SBF2: variants seen among roughly 807,000 people sequenced by gnomAD.
The protein encoded by SBF2 is SET binding factor 2.
SBF2 carries 112 observed loss-of-function variants against 225.2 expected under a neutral mutation model. The observed-to-expected ratio is 0.50, with a 90% CI of 0.43 to 0.58. The LOEUF (loss-of-function observed/expected upper bound fraction) is 0.58. Ranked by LOEUF, SBF2 falls within the 20% of genes least tolerant of loss-of-function variation. The probability of loss-of-function intolerance (pLI) is 0.00; values close to 1 mark genes in which losing one functional copy is unlikely to be tolerated. For missense variants in SBF2, 1,996 were observed against 2,206.2 expected (o/e 0.90, Z 1.91); for synonymous variants, 763 against 773.3 (o/e 0.99, Z 0.22).
intron 17 of SBF2, among the ~76,000 whole-genome samples, chr11:9,861,671 A>AC: frequency 6.6e-6 from 1 of 151,830 alleles, no homozygotes; most frequent in East Asian, 1.9e-4. Flanking sequence ...CTCAAAAAAA[A>AC]AAAAAAAAAA....
chr11:9,936,021 T>C (rs924902425), intron 16 of SBF2, among the ~76,000 whole-genome samples: 1 of 151,994 alleles, frequency 6.6e-6, no homozygotes, highest in African/African-American at 2.4e-5. Flanking sequence ...GAATAGGCAA[T>C]CTACAGAATG....
At chr11:10,020,844 A>G (rs16907381) in intron 6 of SBF2, among the ~76,000 whole-genome samples, 7,937 of 149,042 alleles carry the variant, frequency 0.053, 296 homozygotes, top group Middle Eastern at 0.16. Flanking sequence ...TCAACATTTT[A>G]ATAACTTTTA....
intron 1 of SBF2, among the ~76,000 whole-genome samples, chr11:10,211,636 T>G (rs1450009395): frequency 6.6e-6 from 1 of 152,208 alleles, no homozygotes; most frequent in Non-Finnish European, 1.5e-5. Context: ...ATGTCATCAC[T>G]GTAGGGGACC....
chr11:10,191,845 G>C (rs370386894), intron 2 of SBF2, among the ~76,000 whole-genome samples: 2 of 152,140 alleles, frequency 1.3e-5, no homozygotes, highest in Non-Finnish European at 2.9e-5. Flanking sequence ...GGTATCATAG[G>C]TATCTATTCT....
At position 10,178,729 on chromosome 11, in the gene SBF2, C is replaced by G. The variant is rs1175511588; in HGVS notation, c.141+15173G>C. ...GAGAGGATGTGGAGAAATAGGAACA[C>G]TTTTACACTGTTGGTGGGACTGTAA... On this transcript the variant is annotated intron_variant, in intron 2 of 39. Coordinates refer to ENST00000256190, the MANE Select transcript of SBF2 (RefSeq NM_030962.4). 4.2e-5 allele frequency among the ~76,000 whole-genome samples: 6 copies of G among 144,090 alleles called. No homozygotes were observed. In the Admixed American group the frequency reaches 4.2e-4, roughly 10 times the overall value. 94.5% of individuals were successfully genotyped at this position (144,090 alleles called of 152,430 possible). A position where few individuals can be genotyped will look rare whatever the true frequency, so the allele number is the denominator to read the frequency against.
At chr11:9,843,153 G>T (rs1346429104) in intron 24 of SBF2, among the ~76,000 whole-genome samples, 1 of 152,128 alleles carries the variant, frequency 6.6e-6, no homozygotes, top group Non-Finnish European at 1.5e-5. Flanking sequence ...CCTCCTACAT[G>T]GAAAGCCAGC....
At chr11:10,251,184 G>T (rs1960310532) in intron 1 of SBF2, among the ~76,000 whole-genome samples, 1 of 152,118 alleles carries the variant, frequency 6.6e-6, no homozygotes, top group African/African-American at 2.4e-5. Context: ...AAACCTTAAT[G>T]GTACATATGT....
intron 16 of SBF2, among the ~76,000 whole-genome samples, chr11:9,933,567 C>T (rs1864660265): frequency 6.6e-6 from 1 of 152,064 alleles, no homozygotes; most frequent in South Asian, 2.1e-4. Context: ...CTACTGGGTA[C>T]ATAACGAAAT....
chr11:10,069,691 G>C (rs2134799359), intron 2 of SBF2, among the ~76,000 whole-genome samples: 2 of 152,200 alleles, frequency 1.3e-5, no homozygotes, highest in South Asian at 4.2e-4. Flanking sequence ...GGGATTGCTG[G>C]GTCAAATGGT....
intron 1 of SBF2, among the ~76,000 whole-genome samples, chr11:10,246,790 A>G (rs934459147): frequency 5.3e-5 from 8 of 152,164 alleles, no homozygotes; most frequent in African/African-American, 1.9e-4. Flanking sequence ...AAGAAATAAC[A>G]CTGGCCTTGC....
At chr11:10,197,231 A>G (rs1259687296) in intron 1 of SBF2, among the ~76,000 whole-genome samples, 3 of 152,150 alleles carry the variant, frequency 2.0e-5, no homozygotes, top group African/African-American at 7.2e-5. Flanking sequence ...GCACTTTGAT[A>G]GATAGATTGA....
At chr11:10,103,458 C>T (rs929999150) in intron 2 of SBF2, among the ~76,000 whole-genome samples, 1 of 152,134 alleles carries the variant, frequency 6.6e-6, no homozygotes, top group Non-Finnish European at 1.5e-5. Flanking sequence ...AGTCATAATT[C>T]TGATATGACT....
At chr11:9,939,068 CTTTA>C (rs1438094061) in intron 16 of SBF2, among the ~76,000 whole-genome samples, 8 of 151,412 alleles carry the variant, frequency 5.3e-5, no homozygotes, top group Non-Finnish European at 1.0e-4. Context: ...AACAAGCATG[CTTTA>C]TTTCTTTATT....
chr11:10,245,045 G>A (rs1192980245), intron 1 of SBF2, among the ~76,000 whole-genome samples: 1 of 148,004 alleles, frequency 6.8e-6, no homozygotes, highest in African/African-American at 2.5e-5. Context: ...GAGGTGGGAG[G>A]ATTGCTTACA....
intron 2 of SBF2, among the ~76,000 whole-genome samples, chr11:10,078,646 G>C (rs989683320): frequency 6.6e-6 from 1 of 152,078 alleles, no homozygotes; most frequent in African/African-American, 2.4e-5. Context: ...GGGGGCTGGG[G>C]GAGGGATAGC....
chr11:9,852,306 G>T (rs183519648), intron 21 of SBF2, among the ~76,000 whole-genome samples: 1 of 152,214 alleles, frequency 6.6e-6, no homozygotes, highest in East Asian at 1.9e-4. Context: ...CAGAAACCTG[G>T]GTTTTTTATG....
At chr11:10,054,370 A>G (rs1331727888) in intron 2 of SBF2, among the ~76,000 whole-genome samples, 1 of 152,228 alleles carries the variant, frequency 6.6e-6, no homozygotes, top group Non-Finnish European at 1.5e-5. Context: ...CATCAGCAAT[A>G]AGCAATTAGA....
intron 1 of SBF2, among the ~76,000 whole-genome samples, chr11:10,285,577 C>T (rs1468559033): frequency 6.6e-6 from 1 of 152,048 alleles, no homozygotes; most frequent in African/African-American, 2.4e-5. Flanking sequence ...GGGTGTACAC[C>T]AAGTAAATAA....
intron 16 of SBF2, among the ~76,000 whole-genome samples, chr11:9,904,183 A>T (rs1444947900): frequency 1.3e-5 from 2 of 152,200 alleles, no homozygotes; most frequent in Admixed American, 6.5e-5. Flanking sequence ...TAAAAACAGA[A>T]TCTAAATATT....
Sources: allele counts gnomAD v4.1 joint callset (sites outside exome capture counted in the v4.1 genomes callset), GRCh38; gene constraint gnomAD v4.1.1; transcripts MANE v1.5; gene names NCBI Gene and HGNC (gene_info 2026-07-23, HGNC 2026-07-21).